ADNP: variants seen among roughly 807,000 people sequenced by gnomAD.
The protein encoded by ADNP is activity dependent neuroprotector homeobox.
Under a neutral mutation model 84.9 loss-of-function variants are expected in ADNP, and 4 were observed. That is an observed-to-expected ratio of 0.05 (90% CI 0.02 to 0.11). The LOEUF (loss-of-function observed/expected upper bound fraction) is 0.11, where lower values mean the gene tolerates loss of function less well. ADNP is among the 10% of genes least tolerant of loss of function. The pLI is 1.00. For synonymous variants in ADNP, 554 were observed against 468.1 expected (o/e 1.18, Z -2.37); for missense variants, 1,132 against 1,326.0 (o/e 0.85, Z 2.27).
chr20:50,895,388 G>A (rs1025056356), intron 5 of ADNP, among the ~76,000 whole-genome samples: 2 of 152,164 alleles, frequency 1.3e-5, no homozygotes, highest in South Asian at 2.1e-4. Flanking sequence ...AAACATAGCT[G>A]AGCACAGAAA....
chr20:50,890,953 C>A lies in ADNP; in HGVS notation c.*452G>T, dbSNP rs1472952179. ...AGGTCTAAAAGACTGTACAAATATA[C>A]ATTTCAACTATTCAGAATGAATACA... On this transcript the variant is annotated 3_prime_UTR_variant, in exon 6 of 6. Coordinates refer to ENST00000621696, the MANE Select transcript of ADNP (RefSeq NM_001282531.3). 1.0e-5 allele frequency: 10 copies of A among 989,120 alleles called. No individual in the cohort carries two copies. Among genetic ancestry groups the A allele is most frequent in the Non-Finnish European group, 1.2e-5 (10 of 832,806 alleles). The allele number at this position is 989,120 out of a possible 1,614,324, so 61.3% of individuals were successfully genotyped here. A position where few individuals can be genotyped will look rare whatever the true frequency, so the allele number is the denominator to read the frequency against.
intron 2 of ADNP, among the ~76,000 whole-genome samples, chr20:50,907,549 G>GC (rs1433915792): frequency 2.6e-5 from 4 of 152,104 alleles, no homozygotes; most frequent in Non-Finnish European, 4.4e-5. Context: ...TTACAGGCGT[G>GC]CACCACCATG....
Position 50,929,991 on chromosome 20 carries a change from A to T in ADNP, c.-265+835T>A, listed in dbSNP as rs6096195. ...GACCTAGAGTCTTGGTCTTGGGCAG[A>T]AGAGGAAGAGAAGCAATCGCGCCTT... On this transcript the variant is annotated intron_variant, in intron 1 of 5. Transcript: ENST00000621696. Among the ~76,000 whole-genome samples, 324 of 152,068 alleles carry T rather than the reference A, an allele frequency of 2.1e-3. 2 individuals carry two copies. The highest frequency in any genetic ancestry group is 7.7e-3 in the African/African-American group (321 of 41,462).
At chr20:50,915,451 T>C (rs1042140701) in intron 2 of ADNP, among the ~76,000 whole-genome samples, 1 of 152,224 alleles carries the variant, frequency 6.6e-6, no homozygotes, top group Non-Finnish European at 1.5e-5. Context: ...GCTTTAAGAT[T>C]GAGAGCCTAC....
At chr20:50,897,693 T>C (rs922264902) in intron 5 of ADNP, among the ~76,000 whole-genome samples, 1 of 152,188 alleles carries the variant, frequency 6.6e-6, no homozygotes, top group African/African-American at 2.4e-5. Context: ...CTTTCTCAGA[T>C]AGTACGCCTT....
intron 2 of ADNP, among the ~76,000 whole-genome samples, chr20:50,910,525 T>G (rs888683134): frequency 2.0e-5 from 3 of 152,206 alleles, no homozygotes; most frequent in Non-Finnish European, 4.4e-5. Context: ...AGTTCAAGAC[T>G]GCAGTGGGCA....
At position 50,891,918 on chromosome 20, in the gene ADNP, A is replaced by G; in HGVS notation, c.2796T>C (p.Asp932=). 1 of 1,614,184 alleles carries G rather than the reference A, an allele frequency of 6.2e-7. No homozygotes were observed. The highest frequency in any genetic ancestry group is 1.1e-5 in the South Asian group (1 of 91,084). The change falls in exon 6 of 6, where the codon GAT becomes GAC. Residue 932 remains aspartate (D), a synonymous_variant. Coordinates refer to ENST00000621696, the MANE Select transcript of ADNP (RefSeq NM_001282531.3). ...ESEEKLDQKE[D]GSKYETIHLT... ...AATGAATAGTTTCGTATTTTGAACC[A>G]TCCTCTTTTTGGTCTAGCTTCTCCT...
chr20:50,921,086 G>A (rs1983929072), intron 2 of ADNP, among the ~76,000 whole-genome samples: 1 of 152,168 alleles, frequency 6.6e-6, no homozygotes, highest in South Asian at 2.1e-4. Flanking sequence ...ATGGCAGAAG[G>A]ATTAAATGAG....
At chr20:50,909,821 T>C (rs866085079) in intron 2 of ADNP, 2 of 152,236 alleles carry the variant, frequency 1.3e-5, no homozygotes, top group Middle Eastern at 3.4e-3. Context: ...ACCAGTAGAG[T>C]TGGACATGTC....
rs529382824 is a variant in ADNP, at chr20:50,913,368, A to T, written c.-89-8519T>A. ...ATATAAACAATTTCATTTTTTGATA[A>T]CATCAACCCAAGTTACTATGTAAGA... On this transcript the variant is annotated intron_variant, in intron 2 of 5. Coordinates refer to ENST00000621696, the MANE Select transcript of ADNP (RefSeq NM_001282531.3). Among the ~76,000 whole-genome samples the T allele has an allele frequency of 2.3e-3, 344 of 151,206 alleles. 2 individuals are homozygous for T. The highest frequency in any genetic ancestry group is 7.3e-3 in the African/African-American group (301 of 41,446).
Position 50,893,328 on chromosome 20 carries a change from A to G in ADNP, c.1386T>C (p.Ser462=), listed in dbSNP as rs1330313811. The G allele has an allele frequency of 6.2e-7, 1 of 1,614,224 alleles. No homozygotes were observed. Residue 462 remains serine (S), a synonymous_variant, in exon 6 of 6, where the codon AGT becomes AGC. Coordinates refer to ENST00000621696, the MANE Select transcript of ADNP (RefSeq NM_001282531.3). The surrounding 1 kb of genome is among the most constrained non-coding windows in gnomAD (Gnocchi z 4.4). ...CTTTATGTTCTTTTTCGAAGTGCAC[A>G]CTATAGACATTTTCAGGAAAAAGCT... is the stretch of plus-strand genomic sequence containing the variant. ...CNELFPENVY[S]VHFEKEHKAE...
chr20:50,914,463 A>C (rs1051335572), intron 2 of ADNP: 3 of 409,784 alleles, frequency 7.3e-6, no homozygotes, highest in African/African-American at 4.2e-5. Flanking sequence ...GGAAACTAAC[A>C]TACTTGGGCA....
intron 2 of ADNP, among the ~76,000 whole-genome samples, chr20:50,912,908 AAG>A (rs1983175037): frequency 6.6e-6 from 1 of 152,082 alleles, no homozygotes; most frequent in African/African-American, 2.4e-5. Context: ...GGGAGAAGAG[AAG>A]AGTGTGGAAT....
Position 50,889,690 on chromosome 20 carries a change from G to A in ADNP, c.*1715C>T. 1 of 390,846 alleles carries A rather than the reference G, an allele frequency of 2.6e-6. No individual in the cohort carries two copies. The highest frequency in any genetic ancestry group is 4.5e-6 in the Non-Finnish European group (1 of 221,596). The allele number at this position is 390,846 out of a possible 1,614,324, so 24.2% of individuals were successfully genotyped here. A position where few individuals can be genotyped will look rare whatever the true frequency, so the allele number is the denominator to read the frequency against. ...TGAGGTGACTGACCAGCCTCCTCAT[G>A]GATTGGAGTTTCCCATCATTGTTTT... On this transcript the variant is annotated 3_prime_UTR_variant, in exon 6 of 6. Transcript: ENST00000621696.
At chr20:50,895,838 T>C (rs1981329766) in intron 5 of ADNP, among the ~76,000 whole-genome samples, 3 of 152,170 alleles carry the variant, frequency 2.0e-5, no homozygotes, top group East Asian at 1.9e-4. Context: ...CTAAAAAATA[T>C]TTTTTCTTCA....
intron 1 of ADNP, among the ~76,000 whole-genome samples, chr20:50,930,287 G>A (rs1294394072): frequency 6.6e-6 from 1 of 152,144 alleles, no homozygotes; most frequent in Non-Finnish European, 1.5e-5. Context: ...AAAGCTGGCA[G>A]GTTGGGGAAG....
intron 2 of ADNP, among the ~76,000 whole-genome samples, chr20:50,925,350 A>G (rs532777532): frequency 2.6e-5 from 4 of 151,964 alleles, no homozygotes; most frequent in African/African-American, 7.3e-5. Flanking sequence ...ATGTGAGGAG[A>G]GCCTTCTCAT....
intron 2 of ADNP, among the ~76,000 whole-genome samples, chr20:50,920,887 T>G (rs1983916448): frequency 6.6e-6 from 1 of 152,144 alleles, no homozygotes; most frequent in South Asian, 2.1e-4. Context: ...AGAGGTAGGG[T>G]GACATAGCAC....
intron 2 of ADNP, among the ~76,000 whole-genome samples, chr20:50,928,254 C>CA (rs1269450746): frequency 6.6e-6 from 1 of 152,152 alleles, no homozygotes; most frequent in East Asian, 1.9e-4. Context: ...TAAAGGTACC[C>CA]ACAAACATCA....
Sources: gnomAD v4.1 joint callset for allele counts (sites outside exome capture counted in the v4.1 genomes callset) on GRCh38, gnomAD v4.1.1 for gene constraint, Gnocchi (gnomAD v3.1) non-coding constraint, MANE v1.5 for transcripts, NCBI Gene and HGNC (gene_info 2026-07-23, HGNC 2026-07-21) for gene names.